Variants in LPAR1 observed in about 807,000 individuals in gnomAD.
LPAR1 encodes LPA receptor 1.
Under a neutral mutation model 23.8 loss-of-function variants are expected in LPAR1, and 5 were observed. The observed-to-expected ratio is 0.21, with a 90% confidence interval of 0.11 to 0.44. The LOEUF (loss-of-function observed/expected upper bound fraction) is 0.44, where lower values mean the gene tolerates loss of function less well. Among genes scored for constraint, LPAR1 ranks in the 20% least tolerant of loss-of-function variants. LPAR1 has a pLI of 0.99. For missense variants in LPAR1, 311 were observed against 482.8 expected, an observed-to-expected ratio of 0.64 and a Z score of 3.33; for synonymous variants, 160 against 164.7, an observed-to-expected ratio of 0.97 and a Z score of 0.22.
chr9:110,918,572 T>C (rs558218751), intron 5 of LPAR1, among the ~76,000 whole-genome samples: 7 of 152,228 alleles, frequency 4.6e-5, no homozygotes, highest in African/African-American at 1.4e-4. Context: ...CTAGCCATCC[T>C]TGAGGTGAGT....
intron 4 of LPAR1, among the ~76,000 whole-genome samples, chr9:110,948,929 G>T: frequency 8.7e-6 from 1 of 114,596 alleles, no homozygotes; most frequent in Non-Finnish European, 1.9e-5. Flanking sequence ...AAAAAAAAAA[G>T]ATATCCCTAC....
At chr9:110,977,905 AAG>A (rs2096594149) in intron 2 of LPAR1, among the ~76,000 whole-genome samples, 2 of 151,020 alleles carry the variant, frequency 1.3e-5, no homozygotes, top group Non-Finnish European at 3.0e-5. Flanking sequence ...GGAAGGAAGG[AAG>A]GAAAGAAGGA....
chr9:110,996,908 G>C (rs2097022201), intron 2 of LPAR1, among the ~76,000 whole-genome samples: 1 of 152,174 alleles, frequency 6.6e-6, no homozygotes, highest in African/African-American at 2.4e-5. Context: ...TACAGAGACT[G>C]ATCTCTGATC....
chr9:110,918,755 T>G (rs2134964308), intron 5 of LPAR1, among the ~76,000 whole-genome samples: 1 of 152,382 alleles, frequency 6.6e-6, no homozygotes, highest in Middle Eastern at 3.4e-3. Flanking sequence ...GATACATTCT[T>G]TAACAGATGA....
At chr9:111,035,553 T>C (rs759785549) in intron 2 of LPAR1, among the ~76,000 whole-genome samples, 4 of 152,186 alleles carry the variant, frequency 2.6e-5, no homozygotes, top group Non-Finnish European at 5.9e-5. Context: ...GGTAACATGA[T>C]ATGTAAAAAT....
At chr9:111,005,515 T>C (rs993330163) in intron 2 of LPAR1, among the ~76,000 whole-genome samples, 1 of 120,110 alleles carries the variant, frequency 8.3e-6, no homozygotes, top group Non-Finnish European at 1.6e-5. Flanking sequence ...ACCACTGTAC[T>C]CCAGCCTGAG....
chr9:110,959,044 T>A (rs1276190444), intron 4 of LPAR1, among the ~76,000 whole-genome samples: 3 of 148,786 alleles, frequency 2.0e-5, no homozygotes, highest in African/African-American at 7.5e-5. Context: ...GAATGGCTAT[T>A]ATTAAAAAGA....
At chr9:111,038,682 C>T (rs2097947119), upstream of LPAR1, 1 of 454,498 alleles carries the variant, frequency 2.2e-6, no homozygotes, top group East Asian at 7.1e-5. This position sits in a 1 kb window ranked among gnomAD's most constrained non-coding sequence, Gnocchi z 4.4. Flanking sequence ...CCCCTGACCT[C>T]TGCGCCCCCT....
intron 5 of LPAR1, among the ~76,000 whole-genome samples, chr9:110,925,930 T>G (rs1695829980): frequency 6.6e-6 from 1 of 152,162 alleles, no homozygotes; most frequent in African/African-American, 2.4e-5. Context: ...TTTTGTTTTT[T>G]GTTTTTTTGA....
At chr9:110,897,804 G>A (rs1485582271) in intron 5 of LPAR1, among the ~76,000 whole-genome samples, 1 of 140,172 alleles carries the variant, frequency 7.1e-6, no homozygotes, top group South Asian at 2.2e-4. Flanking sequence ...CTAAAATAAG[G>A]CCTTTGATTT....
At chr9:110,989,280 G>A (rs930251771) in intron 2 of LPAR1, among the ~76,000 whole-genome samples, 2 of 152,190 alleles carry the variant, frequency 1.3e-5, no homozygotes, top group Admixed American at 6.6e-5. Flanking sequence ...TTAAACTCCT[G>A]TGCTCAAGTG....
At chr9:110,891,972 C>T (rs113608676) in intron 5 of LPAR1, among the ~76,000 whole-genome samples, 6 of 152,276 alleles carry the variant, frequency 3.9e-5, no homozygotes, top group African/African-American at 1.4e-4. Flanking sequence ...ATTTGGAAAA[C>T]AGTTTGGCAG....
intron 5 of LPAR1, among the ~76,000 whole-genome samples, chr9:110,900,066 A>G (rs1047592108): frequency 1.3e-5 from 2 of 152,216 alleles, no homozygotes; most frequent in Non-Finnish European, 2.9e-5. Context: ...TTCGTTTTCT[A>G]TTTCTGCTGT....
At chr9:111,029,392 C>T (rs2097757622) in intron 2 of LPAR1, among the ~76,000 whole-genome samples, 1 of 152,010 alleles carries the variant, frequency 6.6e-6, no homozygotes, top group African/African-American at 2.4e-5. Flanking sequence ...CTTTTTTGTC[C>T]ACAGTAGTCT....
At chr9:110,893,007 G>A (rs1001165775) in intron 5 of LPAR1, among the ~76,000 whole-genome samples, 3 of 152,252 alleles carry the variant, frequency 2.0e-5, no homozygotes, top group East Asian at 1.9e-4. Context: ...GTTAGCAAGC[G>A]CTTTGGCTTC....
intron 4 of LPAR1, among the ~76,000 whole-genome samples, chr9:110,957,943 T>C (rs1393422215): frequency 3.3e-5 from 5 of 151,874 alleles, no homozygotes; most frequent in African/African-American, 1.2e-4. Flanking sequence ...AATAATGAAC[T>C]ATCCAAAAAA....
intron 5 of LPAR1, among the ~76,000 whole-genome samples, chr9:110,876,545 A>G (rs2079136691): frequency 2.0e-5 from 3 of 152,244 alleles, no homozygotes; most frequent in Admixed American, 2.0e-4. Flanking sequence ...GAAAGTTTAT[A>G]TAACTGGCTC....
At chr9:111,012,070 C>A (rs1287842198) in intron 2 of LPAR1, among the ~76,000 whole-genome samples, 2 of 152,040 alleles carry the variant, frequency 1.3e-5, no homozygotes, top group Non-Finnish European at 2.9e-5. Context: ...GACAACATAG[C>A]GAGACCCTGT....
intron 2 of LPAR1, among the ~76,000 whole-genome samples, chr9:111,035,811 T>C (rs943489498): frequency 1.2e-4 from 19 of 152,220 alleles, no homozygotes; most frequent in African/African-American, 4.6e-4. Flanking sequence ...TGCTGAATAC[T>C]TGGAGCTTCC....
Sources: allele counts gnomAD v4.1 joint callset (sites outside exome capture counted in the v4.1 genomes callset), GRCh38; gene constraint gnomAD v4.1.1; non-coding constraint Gnocchi (gnomAD v3.1); transcripts MANE v1.5; gene names NCBI Gene and HGNC (gene_info 2026-07-23, HGNC 2026-07-21).